Variants in CINP observed in about 807,000 individuals in gnomAD.
CINP encodes cyclin-dependent kinase 2-interacting protein.
In CINP, 11 loss-of-function variants were observed where a neutral mutation model predicts 20.5. The ratio of observed to expected loss-of-function variants is 0.54; its 90% confidence interval spans 0.34 to 0.89. The LOEUF (loss-of-function observed/expected upper bound fraction) is 0.89, where lower values mean the gene tolerates loss of function less well. Ranked by LOEUF, CINP falls within the 40% of genes least tolerant of loss-of-function variation. CINP has a pLI of 0.02. For missense variants in CINP, 213 were observed against 251.0 expected (o/e 0.85, Z 1.02); for synonymous variants, 108 against 102.1 (o/e 1.06, Z -0.35).
chr14:102,349,950 AG>A lies in CINP; in HGVS notation c.404del (p.Pro135LeufsTer28). On this transcript the variant is annotated frameshift_variant, in exon 4 of 5. Transcript: ENST00000216756. LOFTEE classifies it low-confidence loss of function (END_TRUNC). ...GGGTTGTAGGCCACGTGTGGAACAGAGGGGGTCGTTTACTCTCCTCCCCATA... is the reference window on the plus strand; with the variant it reads ...GGGTTGTAGGCCACGTGTGGAACAGAGGGGTCGTTTACTCTCCTCCCCATA... ...YHYGEESKRP[P>X]LFHTWPTTHF... 6.2e-7 allele frequency: 1 copy of A among 1,613,884 alleles called. No homozygotes were observed. The highest frequency in any genetic ancestry group is 8.5e-7 in the Non-Finnish European group (1 of 1,179,922).
chr14:102,356,660 G>C (rs1239338672), intron 2 of CINP, among the ~76,000 whole-genome samples: 1 of 152,188 alleles, frequency 6.6e-6, no homozygotes, highest in Admixed American at 6.5e-5. Context: ...TTTGCCAACA[G>C]CATGTGCTTA....
chr14:102,356,658 C>T (rs889332503), intron 2 of CINP, among the ~76,000 whole-genome samples: 3 of 152,218 alleles, frequency 2.0e-5, no homozygotes, highest in Non-Finnish European at 4.4e-5. Context: ...ATTTTGCCAA[C>T]AGCATGTGCT....
intron 2 of CINP, among the ~76,000 whole-genome samples, chr14:102,356,611 G>A (rs1198481227): frequency 1.3e-5 from 2 of 152,080 alleles, no homozygotes; most frequent in Non-Finnish European, 2.9e-5. Context: ...GAAGGTTTGT[G>A]GCAACCCTCT....
rs189646229 is a variant in CINP, at chr14:102,354,527, T to C, written c.306+1241A>G. Reference sequence around the variant, plus strand: ...ATCCCAACACTTTGGGAGGCTGAGGTGGGTGGATCACTTGAGGCCAGGACT... The same window carrying C: ...ATCCCAACACTTTGGGAGGCTGAGGCGGGTGGATCACTTGAGGCCAGGACT... On this transcript the variant is annotated intron_variant, in intron 3 of 4. Transcript: ENST00000216756. Among the ~76,000 whole-genome samples the C allele has an allele frequency of 2.7e-3, 409 of 151,214 alleles. 2 individuals are homozygous for C. The highest frequency in any genetic ancestry group is 9.5e-3 in the African/African-American group (392 of 41,174).
Position 102,362,828 on chromosome 14 carries a change from G to T in CINP, c.7+17C>A. On this transcript the variant is annotated intron_variant, in intron 1 of 4. Coordinates refer to ENST00000216756, the MANE Select transcript of CINP (RefSeq NM_032630.3). ...TCACAGCCACCCCACCCCGGGAAAG[G>T]AACCGATCTCACGCACCTTCCATAA... 1.2e-6 allele frequency: 2 copies of T among 1,614,056 alleles called. No individual in the cohort carries two copies. The highest frequency in any genetic ancestry group is 2.2e-5 in the East Asian group (1 of 44,862).
Position 102,348,780 on chromosome 14 carries a change from C to T in CINP, c.437-21G>A, listed in dbSNP as rs751692662. On this transcript the variant is annotated intron_variant, in intron 4 of 4. Transcript: ENST00000216756. ...CTCATCTGAAAGAAACGTGAATCTCCCTTAATGGCAGTGATTCAAGAACAT... is the reference window on the plus strand; with the variant it reads ...CTCATCTGAAAGAAACGTGAATCTCTCTTAATGGCAGTGATTCAAGAACAT... 3.1e-6 allele frequency: 5 copies of T among 1,601,614 alleles called. No homozygotes were observed. The East Asian group carries it at 9.0e-5, about 29-fold the overall frequency.
At chr14:102,352,855 G>A (rs1240224511) in intron 3 of CINP, among the ~76,000 whole-genome samples, 1 of 151,764 alleles carries the variant, frequency 6.6e-6, no homozygotes, top group African/African-American at 2.4e-5. Flanking sequence ...CACTATGTTG[G>A]CCATGCTGGT....
At chr14:102,352,498 T>C (rs1002050513) in intron 3 of CINP, 8 of 455,814 alleles carry the variant, frequency 1.8e-5, no homozygotes, top group African/African-American at 1.4e-4. Context: ...GAACGGTGCA[T>C]GAAACCCCCA....
In CINP at chr14:102,351,315, TACTTGTGGGAGAC is replaced by T. The variant is rs1886868127; in HGVS notation, c.307-1280_307-1268del. On this transcript the variant is annotated intron_variant, in intron 3 of 4. Coordinates refer to ENST00000216756, the MANE Select transcript of CINP (RefSeq NM_032630.3). This position sits in a 1 kb window ranked among gnomAD's most constrained non-coding sequence, Gnocchi z 4.2. ...CCTGTAACTGCATGATGTGTATGGC[TACTTGTGGGAGAC>T]ACTAAACCAACCCCACTGCACACAC... Among the ~76,000 whole-genome samples the T allele has an allele frequency of 6.6e-6, 1 of 152,196 alleles. No individual in the cohort carries two copies. Among genetic ancestry groups the T allele is most frequent in the South Asian group, 2.1e-4 (1 of 4,832 alleles).
chr14:102,360,008 G>A (rs1160064353), intron 1 of CINP, among the ~76,000 whole-genome samples: 1 of 152,124 alleles, frequency 6.6e-6, no homozygotes, highest in Non-Finnish European at 1.5e-5. Flanking sequence ...AATTTGCTCA[G>A]AGTAGCGTGG....
At chr14:102,355,458 T>C (rs1886976469) in intron 3 of CINP, 2 of 209,502 alleles carry the variant, frequency 9.5e-6, no homozygotes, top group Non-Finnish European at 1.9e-5. Flanking sequence ...GAGTTTGCGG[T>C]GAGCCAAGAT....
chr14:102,360,102 T>TC (rs750210628), intron 1 of CINP, among the ~76,000 whole-genome samples: 6 of 152,098 alleles, frequency 3.9e-5, no homozygotes, highest in Non-Finnish European at 7.4e-5. Context: ...TTCTTGGTAA[T>TC]CAGGAGGAAG....
chr14:102,362,765 T>G, intron 1 of CINP, 80 bp downstream of exon 1: 1 of 1,581,436 alleles, frequency 6.3e-7, no homozygotes, highest in South Asian at 1.1e-5. Flanking sequence ...GGGGAGCTCC[T>G]GAGCTTCTGG....
chr14:102,353,887 G>A lies in CINP; in HGVS notation c.306+1881C>T, dbSNP rs117414970. On this transcript the variant is annotated intron_variant, in intron 3 of 4. Coordinates refer to ENST00000216756, the MANE Select transcript of CINP (RefSeq NM_032630.3). ...GAAGATCACTTCATGTCAGGAGTTC[G>A]AGACCAGCCTGGCCAACATGAGAAC... Among the ~76,000 whole-genome samples, 356 of 152,270 alleles carry A rather than the reference G, an allele frequency of 2.3e-3. 11 individuals are homozygous for A. In the East Asian group the frequency reaches 0.048, roughly 20 times the overall value.
chr14:102,353,600 G>A (rs900096195), intron 3 of CINP, among the ~76,000 whole-genome samples: 6 of 152,128 alleles, frequency 3.9e-5, no homozygotes, highest in Non-Finnish European at 7.4e-5. Context: ...AACAAAACCC[G>A]TAACCTCAGT....
intron 1 of CINP, among the ~76,000 whole-genome samples, chr14:102,360,849 T>C: frequency 6.6e-6 from 1 of 152,168 alleles, no homozygotes; most frequent in East Asian, 1.9e-4. Flanking sequence ...TCTGTGTGTG[T>C]CCCCACTCCC....
At chr14:102,359,126 A>G (rs1483945316) in intron 2 of CINP, among the ~76,000 whole-genome samples, 1 of 151,194 alleles carries the variant, frequency 6.6e-6, no homozygotes, top group Non-Finnish European at 1.5e-5. Context: ...GCTTGAACCC[A>G]GGCGGTAGAG....
intron 4 of CINP, 93 bp downstream of exon 4, chr14:102,349,826 T>C: frequency 1.1e-5 from 16 of 1,445,932 alleles, no homozygotes; most frequent in Non-Finnish European, 1.4e-5. Flanking sequence ...TTTGAAAGCC[T>C]TGTCAGCTTC....
At chr14:102,352,495 G>C (rs1357768400) in intron 3 of CINP, 4 of 455,822 alleles carry the variant, frequency 8.8e-6, no homozygotes, top group African/African-American at 8.0e-5. Context: ...GAAGAACGGT[G>C]CATGAAACCC....
Sources: gnomAD v4.1 joint callset for allele counts (sites outside exome capture counted in the v4.1 genomes callset) on GRCh38, gnomAD v4.1.1 for gene constraint, Gnocchi (gnomAD v3.1) non-coding constraint, MANE v1.5 for transcripts, NCBI Gene and HGNC (gene_info 2026-07-23, HGNC 2026-07-21) for gene names.